The following ZNF197 variants were observed in gnomAD, a reference collection of about 807,000 sequenced individuals.
ZNF197 encodes the protein VHL-associated KRAB-A domain-containing protein.
ZNF197 carries 14 observed loss-of-function variants against 27.4 expected under a neutral mutation model. That is an observed-to-expected ratio of 0.51 (90% CI 0.34 to 0.80). The LOEUF (loss-of-function observed/expected upper bound fraction) is 0.80, where lower values mean the gene tolerates loss of function less well. Among genes scored for constraint, ZNF197 ranks in the 30% least tolerant of loss-of-function variants. The probability of loss-of-function intolerance (pLI) is 0.02; values close to 1 mark genes in which losing one functional copy is unlikely to be tolerated. For missense variants in ZNF197, 1,090 were observed against 1,222.6 expected (o/e 0.89, Z 1.62); for synonymous variants, 415 against 420.0 (o/e 0.99, Z 0.15).
chr3:44,630,419 G>C (rs1701919431), intron 2 of ZNF197, among the ~76,000 whole-genome samples: 1 of 152,076 alleles, frequency 6.6e-6, no homozygotes, highest in South Asian at 2.1e-4. Context: ...ATTTCTTTTT[G>C]TACATCTGTA....
chr3:44,625,748 GCGCACACACACACA>G (rs1559458539), intron 1 of ZNF197, among the ~76,000 whole-genome samples: 1 of 90,828 alleles, frequency 1.1e-5, no homozygotes, highest in Non-Finnish European at 2.1e-5. Flanking sequence ...GCGCGCGCGC[GCGCACACACACACA>G]CACACACACA....
intron 5 of ZNF197, among the ~76,000 whole-genome samples, chr3:44,635,255 A>C (rs1355528926): frequency 6.6e-6 from 1 of 152,056 alleles, no homozygotes; most frequent in African/African-American, 2.4e-5. Flanking sequence ...TACTTTAATA[A>C]ATTAAAAAAA....
chr3:44,642,714 C>T lies in ZNF197; in HGVS notation c.1584C>T (p.His528=), dbSNP rs2125823020. 1 of 1,613,418 alleles carries T rather than the reference C, an allele frequency of 6.2e-7. No individual in the cohort carries two copies. The highest frequency in any genetic ancestry group is 1.3e-5 in the African/African-American group (1 of 74,874). The part of the protein sequence containing the change: ...AFILKKSLIL[H]QRIHSGEKPY... ...TTCTGAAGAAGAGCCTCATTCTGCA[C>T]CAGAGAATCCACTCTGGGGAAAAAC... is the stretch of plus-strand genomic sequence containing the variant. The change falls in exon 6 of 6, where the codon CAC becomes CAT. Residue 528 remains histidine (H), a synonymous_variant. Transcript: ENST00000344387.
chr3:44,635,069 A>G lies in ZNF197; in HGVS notation c.769+2470A>G, dbSNP rs72862007. Among the ~76,000 whole-genome samples the G allele has an allele frequency of 7.1e-3, 1,074 of 152,024 alleles. 3 individuals carry two copies. Among genetic ancestry groups the G allele is most frequent in the African/African-American group, 0.013 (546 of 41,434 alleles). ...TTTCCTAAAAATTTTAAAATAGACT[A>G]TATGGATTAATTGGCTAATTTTATG... is the stretch of plus-strand genomic sequence containing the variant. On this transcript the variant is annotated intron_variant, in intron 5 of 5. Transcript: ENST00000344387.
chr3:44,631,131 C>G lies in ZNF197; in HGVS notation c.460C>G (p.Pro154Ala), dbSNP rs747167831. The change falls in exon 3 of 6, where the codon CCT (proline) becomes GCT (alanine). Residue 154 changes from proline to alanine, a missense_variant. By Grantham distance (27) the Pro-to-Ala change is conservative. Transcript: ENST00000344387. ...VVSAPGTTLP[P>A]VLPGSHIAAE... ...GAGTGCCCCAGGAACAACACTTCCT[C>G]CTGTACTTCCTGGCAGCCACATAGC... 1.2e-6 allele frequency: 2 copies of G among 1,614,166 alleles called. No homozygotes were observed. Among genetic ancestry groups the G allele is most frequent in the Non-Finnish European group, 1.7e-6 (2 of 1,180,034 alleles).
chr3:44,639,888 G>A (rs1334635685), intron 5 of ZNF197, among the ~76,000 whole-genome samples: 1 of 152,086 alleles, frequency 6.6e-6, no homozygotes, highest in Non-Finnish European at 1.5e-5. Context: ...AAAACAGGCA[G>A]TGGGTGAAGA....
chr3:44,631,070 C>A lies in ZNF197; in HGVS notation c.399C>A (p.Val133=), dbSNP rs551241933. 1 of 1,614,066 alleles carries A rather than the reference C, an allele frequency of 6.2e-7. No individual in the cohort carries two copies. Among genetic ancestry groups the A allele is most frequent in the South Asian group, 1.1e-5 (1 of 91,056 alleles). The stretch of plus-strand genomic sequence containing the variant: ...ATTTTACTTGTTTCCAGGTTCCAGT[C>A]CTTGTCAAGGATCAGGACACTCTCC... The part of the protein sequence containing the change: ...DLDGPAIQVP[V]LVKDQDTLQK... Residue 133 remains valine, a synonymous_variant, in exon 3 of 6, where the codon GTC becomes GTA. Coordinates refer to ENST00000344387, the MANE Select transcript of ZNF197 (RefSeq NM_006991.5).
intron 5 of ZNF197, 68 bp from the exon 6 acceptor site, chr3:44,641,832 A>G: frequency 1.4e-6 from 2 of 1,468,088 alleles, no homozygotes; most frequent in Non-Finnish European, 1.8e-6. Flanking sequence ...TTTTAAAGTC[A>G]TTTGAAGATC....
At position 44,643,629 on chromosome 3, in the gene ZNF197, T is replaced by G; in HGVS notation, c.2499T>G (p.Leu833=). The change falls in exon 6 of 6, where the codon CTT becomes CTG. Residue 833 remains leucine (L), a synonymous_variant. Coordinates refer to ENST00000344387, the MANE Select transcript of ZNF197 (RefSeq NM_006991.5). ...AGGTCTTCAGTTACCGCTCAAACCT[T>G]ATAGCCCATCAGAGGATCCATACTG... is the stretch of plus-strand genomic sequence containing the variant. The part of the protein sequence containing the change: ...CGKVFSYRSN[L]IAHQRIHTGE... 1 of 1,614,144 alleles carries G rather than the reference T, an allele frequency of 6.2e-7. No individual in the cohort carries two copies. Among genetic ancestry groups the G allele is most frequent in the South Asian group, 1.1e-5 (1 of 91,078 alleles).
At chr3:44,632,712 GA>G (rs1220646455) in intron 5 of ZNF197, 113 bp downstream of exon 5, 20 of 1,259,172 alleles carry the variant, frequency 1.6e-5, no homozygotes, top group Admixed American at 8.6e-5. Flanking sequence ...TTACAAAGAA[GA>G]AAAAAACCTT....
intron 5 of ZNF197, among the ~76,000 whole-genome samples, chr3:44,638,064 A>G (rs1016447588): frequency 6.6e-6 from 1 of 152,186 alleles, no homozygotes; most frequent in African/African-American, 2.4e-5. Context: ...CCATTTATCA[A>G]TGTTAAATCT....
Position 44,643,665 on chromosome 3 carries a change from C to G in ZNF197, c.2535C>G (p.Pro845=), listed in dbSNP as rs1044241547. Residue 845 remains proline (P), a synonymous_variant, in exon 6 of 6, where the codon CCC becomes CCG. Coordinates refer to ENST00000344387, the MANE Select transcript of ZNF197 (RefSeq NM_006991.5). ...AGAGGATCCATACTGGTGAGAAGCCCTATGCGTGTAGTGAGTGTGGAAAAG... is the reference window on the plus strand; with the variant it reads ...AGAGGATCCATACTGGTGAGAAGCCGTATGCGTGTAGTGAGTGTGGAAAAG... ...AHQRIHTGEK[P]YACSECGKGF... is the part of the protein sequence containing the mutation. 3 of 1,613,984 alleles carry G rather than the reference C, an allele frequency of 1.9e-6. No individual in the cohort carries two copies. In the African/African-American group the frequency reaches 4.0e-5, roughly 22 times the overall value.
At chr3:44,636,086 C>T (rs201524443) in intron 5 of ZNF197, among the ~76,000 whole-genome samples, 3 of 152,118 alleles carry the variant, frequency 2.0e-5, no homozygotes, top group Admixed American at 6.6e-5. Context: ...AGGCGGATCA[C>T]GAGGTCAGGA....
At chr3:44,631,867 A>AT (rs1267593797) in intron 3 of ZNF197, among the ~76,000 whole-genome samples, 1 of 151,280 alleles carries the variant, frequency 6.6e-6, no homozygotes, top group East Asian at 1.9e-4. Context: ...CGCCCAGCTA[A>AT]TTTTTTTGTA....
rs1703079169 is a variant in ZNF197, at chr3:44,648,324, T to C, written c.*4104T>C. The stretch of plus-strand genomic sequence containing the variant: ...CTGATGTTTACAACTTTCAAAAAAA[T>C]GATTTTAAATATGTATTGAGAGATC... On this transcript the variant is annotated 3_prime_UTR_variant, in exon 6 of 6. Coordinates refer to ENST00000344387, the MANE Select transcript of ZNF197 (RefSeq NM_006991.5). 6.6e-6 allele frequency: 1 copy of C among 152,190 alleles called. No individual in the cohort carries two copies. Among genetic ancestry groups the C allele is most frequent in the Admixed American group, 6.5e-5 (1 of 15,276 alleles). The allele number at this position is 152,190 out of a possible 1,614,324, so 9.4% of individuals were successfully genotyped here. A position where few individuals can be genotyped will look rare whatever the true frequency, so the allele number is the denominator to read the frequency against.
At chr3:44,636,180 C>T (rs1702276189) in intron 5 of ZNF197, among the ~76,000 whole-genome samples, 1 of 152,076 alleles carries the variant, frequency 6.6e-6, no homozygotes, top group Non-Finnish European at 1.5e-5. Context: ...TGGCAGGTGC[C>T]TGTAGTCCCA....
Position 44,642,530 on chromosome 3 carries a change from C to A in ZNF197, c.1400C>A (p.Ser467Ter), listed in dbSNP as rs1416035521. 6.2e-7 allele frequency: 1 copy of A among 1,614,064 alleles called. No homozygotes were observed. Reference protein sequence around the residue: ...KECGKGFYRHSGLIIHLRRHS... With the variant: ...KECGKGFYRH ...TGTGGAAAGGGCTTCTATAGGCACT[C>A]AGGCCTAATTATACATCTAAGGCGC... Residue 467 changes from serine to a stop codon, truncating the protein, a stop_gained, in exon 6 of 6, where the codon TCA becomes TAA. Transcript: ENST00000344387. LOFTEE classifies it low-confidence loss of function (END_TRUNC).
Position 44,644,786 on chromosome 3 carries a change from G to A in ZNF197, c.*566G>A, listed in dbSNP as rs941921889. On this transcript the variant is annotated 3_prime_UTR_variant, in exon 6 of 6. Transcript: ENST00000344387. ...TGTAGTCCCAGGACTTTGGGAGGCC[G>A]AGGTGGGAAGATCCCTTGAGCCCAG... 42 of 984,878 alleles carry A rather than the reference G, an allele frequency of 4.3e-5. 1 individual carries two copies. The highest frequency in any genetic ancestry group is 1.8e-4 in the Admixed American group (3 of 16,290). 61.0% of individuals were successfully genotyped at this position (984,878 alleles called of 1,614,324 possible).
At position 44,646,662 on chromosome 3, in the gene ZNF197, G is replaced by A; in HGVS notation, c.*2442G>A. 3.1e-6 allele frequency: 2 copies of A among 636,998 alleles called. No homozygotes were observed. Among genetic ancestry groups the A allele is most frequent in the Non-Finnish European group, 5.7e-6 (2 of 351,468 alleles). 39.5% of individuals were successfully genotyped at this position (636,998 alleles called of 1,614,324 possible). ...TCAAGCTGTCTTGAGTCTGCTGTGA[G>A]TTTATTATACCATTCTCTGCTTTTG... On this transcript the variant is annotated 3_prime_UTR_variant, in exon 6 of 6. Transcript: ENST00000344387.
Sources: gnomAD v4.1 joint callset for allele counts (sites outside exome capture counted in the v4.1 genomes callset) on GRCh38, gnomAD v4.1.1 for gene constraint, MANE v1.5 for transcripts, NCBI Gene and HGNC (gene_info 2026-07-23, HGNC 2026-07-21) for gene names.